Variants in DGKB observed in about 807,000 individuals in gnomAD.
DGKB encodes the protein 90 kDa diacylglycerol kinase.
DGKB carries 67 observed loss-of-function variants against 114.3 expected under a neutral mutation model. That is an observed-to-expected ratio of 0.59 (90% CI 0.48 to 0.72). DGKB has a LOEUF of 0.72. Ranked by LOEUF, DGKB falls within the 30% of genes least tolerant of loss-of-function variation. The pLI is 0.00. For synonymous variants in DGKB, 398 were observed against 323.1 expected (o/e 1.23, Z -2.49); for missense variants, 907 against 975.2 (o/e 0.93, Z 0.93).
chr7:14,563,005 G>C (rs1426122003), intron 20 of DGKB, among the ~76,000 whole-genome samples: 1 of 152,158 alleles, frequency 6.6e-6, no homozygotes, highest in Admixed American at 6.5e-5. Flanking sequence ...GAGGGACCCA[G>C]TGAGAGGTAA....
chr7:14,435,440 A>G (rs1275351239), intron 21 of DGKB, among the ~76,000 whole-genome samples: 1 of 152,114 alleles, frequency 6.6e-6, no homozygotes, highest in African/African-American at 2.4e-5. Flanking sequence ...AATTATTTAA[A>G]TGTCTAAATC....
chr7:14,292,853 G>C (rs1440828941), intron 23 of DGKB, among the ~76,000 whole-genome samples: 1 of 152,152 alleles, frequency 6.6e-6, no homozygotes, highest in East Asian at 1.9e-4. Flanking sequence ...GAAAGAACAA[G>C]ACAAATAAAC....
intron 1 of DGKB, among the ~76,000 whole-genome samples, chr7:14,937,970 T>C (rs1021397039): frequency 1.1e-4 from 16 of 152,232 alleles, no homozygotes; most frequent in African/African-American, 3.6e-4. Context: ...GTTAGTTGAC[T>C]GTTTATTAAG....
intron 2 of DGKB, among the ~76,000 whole-genome samples, chr7:14,801,947 C>G (rs904221595): frequency 6.6e-6 from 1 of 151,120 alleles, no homozygotes; most frequent in East Asian, 1.9e-4. Flanking sequence ...CACACACACA[C>G]GCACACACAT....
chr7:14,750,923 C>A lies in DGKB; in HGVS notation c.168+3005G>T, dbSNP rs113819825. Among the ~76,000 whole-genome samples the A allele has an allele frequency of 3.8e-3, 569 of 150,390 alleles. 2 individuals are homozygous for A. Among genetic ancestry groups the A allele is most frequent in the African/African-American group, 0.013 (535 of 40,712 alleles). On this transcript the variant is annotated intron_variant, in intron 4 of 25. Transcript: ENST00000402815. The stretch of plus-strand genomic sequence containing the variant: ...GGTTCAAGTGATTCTCCTGCCTCAG[C>A]CTCCCAAGTATCTGAGACTACAGGC...
intron 2 of DGKB, among the ~76,000 whole-genome samples, chr7:14,801,466 G>A (rs1431071915): frequency 6.6e-6 from 1 of 152,118 alleles, no homozygotes; most frequent in Non-Finnish European, 1.5e-5. Context: ...TTCCATATGA[G>A]ACTAGCATTT....
chr7:14,949,197 C>A (rs1002781062), intron 1 of DGKB, among the ~76,000 whole-genome samples: 8 of 151,834 alleles, frequency 5.3e-5, no homozygotes, highest in Admixed American at 2.0e-4. Flanking sequence ...TATTCAATCT[C>A]ATTTATAATA....
Position 14,782,094 on chromosome 7 carries a change from G to A in DGKB, c.71-24363C>T, listed in dbSNP as rs550080060. Among the ~76,000 whole-genome samples the A allele has an allele frequency of 6.4e-4, 97 of 151,112 alleles. 2 individuals carry two copies. In the South Asian group the frequency reaches 0.019, roughly 30 times the overall value. ...GGCTGAAGTGCAGTGGTGAGATCTC[G>A]GCTCACTGCAACCTCTCCCTCTCAG... On this transcript the variant is annotated intron_variant, in intron 2 of 25. Coordinates refer to ENST00000402815, the MANE Select transcript of DGKB (RefSeq NM_001350709.2).
chr7:14,540,182 G>C (rs1793191557), intron 20 of DGKB, among the ~76,000 whole-genome samples: 1 of 151,956 alleles, frequency 6.6e-6, no homozygotes, highest in South Asian at 2.1e-4. Context: ...ATTTTGGGAG[G>C]TATAATATTT....
chr7:14,204,653 A>C (rs1562608328), intron 23 of DGKB, among the ~76,000 whole-genome samples: 1 of 151,810 alleles, frequency 6.6e-6, no homozygotes, highest in Admixed American at 6.6e-5. Flanking sequence ...TCAAGTGCCT[A>C]GTCAACTGGC....
intron 2 of DGKB, among the ~76,000 whole-genome samples, chr7:14,832,517 G>GT (rs530150887): frequency 7.9e-5 from 12 of 151,572 alleles, no homozygotes; most frequent in Non-Finnish European, 1.5e-4. Context: ...ATCTATTATT[G>GT]TTTTTTAAAA....
intron 6 of DGKB, among the ~76,000 whole-genome samples, chr7:14,706,448 G>C (rs937867572): frequency 3.4e-4 from 51 of 150,580 alleles, no homozygotes; most frequent in African/African-American, 1.2e-3. Flanking sequence ...ATTGAACTCA[G>C]CTCTGCACCA....
chr7:14,558,759 C>A (rs1000305745), intron 20 of DGKB, among the ~76,000 whole-genome samples: 1 of 152,102 alleles, frequency 6.6e-6, no homozygotes, highest in Non-Finnish European at 1.5e-5. Flanking sequence ...TGTTGGAGAC[C>A]AGAACACTCC....
intron 6 of DGKB, among the ~76,000 whole-genome samples, chr7:14,714,673 A>C (rs1827904151): frequency 6.6e-6 from 1 of 152,170 alleles, no homozygotes; most frequent in South Asian, 2.1e-4. Flanking sequence ...AGACAAGAGA[A>C]ACACTGAGCA....
At chr7:14,265,337 T>TTTTTTTGC (rs1342591342) in intron 23 of DGKB, among the ~76,000 whole-genome samples, 2 of 146,764 alleles carry the variant, frequency 1.4e-5, no homozygotes, top group Non-Finnish European at 3.0e-5. Context: ...TTTTTTTTTT[T>TTTTTTTGC]TGCTTAGTAG....
chr7:14,967,511 A>T (rs906583780), intron 1 of DGKB, among the ~76,000 whole-genome samples: 8 of 151,546 alleles, frequency 5.3e-5, no homozygotes, highest in Non-Finnish European at 1.2e-4. Context: ...AGTAGAGACG[A>T]GGTTTCACCA....
At chr7:14,415,672 A>G (rs1030722880) in intron 21 of DGKB, among the ~76,000 whole-genome samples, 11 of 152,044 alleles carry the variant, frequency 7.2e-5, no homozygotes, top group East Asian at 3.9e-4. Context: ...GTCTATCATT[A>G]TTGGACATTT....
chr7:14,482,166 C>A (rs552666659), intron 20 of DGKB, among the ~76,000 whole-genome samples: 1 of 152,000 alleles, frequency 6.6e-6, no homozygotes, highest in East Asian at 1.9e-4. Flanking sequence ...ACCTGCCTTG[C>A]TTTGAAGATC....
chr7:14,432,157 A>C (rs1828544015), intron 21 of DGKB, among the ~76,000 whole-genome samples: 1 of 152,176 alleles, frequency 6.6e-6, no homozygotes, highest in Non-Finnish European at 1.5e-5. Flanking sequence ...TTCTGCAAAC[A>C]ATTATTGGTT....
Sources: gnomAD v4.1 joint callset for allele counts (sites outside exome capture counted in the v4.1 genomes callset) on GRCh38, gnomAD v4.1.1 for gene constraint, MANE v1.5 for transcripts, NCBI Gene and HGNC (gene_info 2026-07-23, HGNC 2026-07-21) for gene names.